Variants in ULK2 observed in about 807,000 individuals in gnomAD.
The protein encoded by ULK2 is serine/threonine-protein kinase ULK2.
A neutral mutation model predicts 127.5 loss-of-function variants in ULK2; 76 were observed. The observed-to-expected ratio is 0.60, with a 90% confidence interval of 0.50 to 0.72. The LOEUF is 0.72. Among genes scored for constraint, ULK2 ranks in the 30% least tolerant of loss-of-function variants. The pLI is 0.00. For missense variants in ULK2, 1,144 were observed against 1,295.9 expected (o/e 0.88, Z 1.80); for synonymous variants, 452 against 461.9 (o/e 0.98, Z 0.28).
chr17:19,780,152 C>T (rs1225619442), intron 25 of ULK2, among the ~76,000 whole-genome samples: 1 of 143,888 alleles, frequency 6.9e-6, no homozygotes, highest in African/African-American at 2.6e-5. Flanking sequence ...CCAGCCTGGG[C>T]GACAGAGTAA....
chr17:19,862,729 G>C (rs2042269295), intron 3 of ULK2, among the ~76,000 whole-genome samples: 1 of 151,902 alleles, frequency 6.6e-6, no homozygotes, highest in African/African-American at 2.4e-5. Context: ...GCCTTCCAAA[G>C]TCCTGGGATT....
intron 10 of ULK2, among the ~76,000 whole-genome samples, chr17:19,831,789 T>A (rs986779875): frequency 1.3e-5 from 2 of 152,010 alleles, no homozygotes; most frequent in African/African-American, 4.8e-5. Flanking sequence ...ACTGTGCCAC[T>A]GCACTCCAGC....
intron 12 of ULK2, among the ~76,000 whole-genome samples, chr17:19,823,339 T>G (rs1202015858): frequency 1.3e-5 from 2 of 152,112 alleles, no homozygotes; most frequent in East Asian, 3.9e-4. Flanking sequence ...AGCCCTAGCC[T>G]GGCTCCTATT....
rs79786293 is a variant in ULK2 at position 19,793,970 on chromosome 17, T to C, written c.2101+1652A>G. Reference sequence around the variant, plus strand: ...ATACTAAGGGCTCTAATGGAAAAAGTGGACAACATGCAAGAACAGATAGGT... The same window carrying C: ...ATACTAAGGGCTCTAATGGAAAAAGCGGACAACATGCAAGAACAGATAGGT... On this transcript the variant is annotated intron_variant, in intron 20 of 26. Transcript: ENST00000395544. Among the ~76,000 whole-genome samples the C allele has an allele frequency of 9.5e-4, 145 of 152,212 alleles. 4 individuals are homozygous for C. In the East Asian group the frequency reaches 0.025, roughly 26 times the overall value.
intron 10 of ULK2, among the ~76,000 whole-genome samples, chr17:19,831,979 C>A (rs1597784599): frequency 6.6e-6 from 1 of 152,074 alleles, no homozygotes; most frequent in East Asian, 1.9e-4. Flanking sequence ...TACAAAATAG[C>A]CAGGTGTGGT....
intron 5 of ULK2, among the ~76,000 whole-genome samples, chr17:19,847,995 A>G (rs1469742477): frequency 6.6e-6 from 1 of 152,214 alleles, no homozygotes; most frequent in East Asian, 1.9e-4. Context: ...CACCTTCCTC[A>G]TGTATAAAAG....
Position 19,776,232 on chromosome 17 carries a change from G to T in ULK2, c.*117C>A. On this transcript the variant is annotated 3_prime_UTR_variant, in exon 27 of 27. Coordinates refer to ENST00000395544, the MANE Select transcript of ULK2 (RefSeq NM_014683.4). ...TTTTTCAAATCACTGCTTGTTCTTTGGTAGTCACCAGTTAAGAAGCTACAG... is the reference window on the plus strand; with the variant it reads ...TTTTTCAAATCACTGCTTGTTCTTTTGTAGTCACCAGTTAAGAAGCTACAG... The T allele has an allele frequency of 3.7e-6, 3 of 811,802 alleles. No individual in the cohort carries two copies. The highest frequency in any genetic ancestry group is 5.5e-6 in the Non-Finnish European group (3 of 548,948). 50.3% of individuals were successfully genotyped at this position (811,802 alleles called of 1,614,324 possible).
chr17:19,833,779 A>G (rs1248190920), intron 10 of ULK2, among the ~76,000 whole-genome samples: 1 of 152,244 alleles, frequency 6.6e-6, no homozygotes, highest in African/African-American at 2.4e-5. Flanking sequence ...AACTCAAAGG[A>G]AAAAACAATA....
chr17:19,796,422 T>TG, intron 18 of ULK2, 140 bp from the exon 19 acceptor site: 1 of 779,754 alleles, frequency 1.3e-6, no homozygotes, highest in Non-Finnish European at 1.8e-6. Context: ...TGTAGAAAGA[T>TG]GCAAACCTTC....
chr17:19,842,897 A>C (rs2152397420), intron 8 of ULK2, among the ~76,000 whole-genome samples: 1 of 152,280 alleles, frequency 6.6e-6, no homozygotes, highest in Non-Finnish European at 1.5e-5. Flanking sequence ...CCCAACATAC[A>C]ACAGACTTCA....
In ULK2 at chr17:19,867,458, C is replaced by CA. The variant is rs1234950216; in HGVS notation, c.-42dup. On this transcript the variant is annotated 5_prime_UTR_variant, in exon 1 of 27. Transcript: ENST00000395544. ...GCACACAGCGGACGGGCGGGCGGCG[C>CA]AGTGCGGCGCAGGTATCAGCACCGC... 6.5e-7 allele frequency: 1 copy of CA among 1,543,816 alleles called. No individual in the cohort carries two copies. The highest frequency in any genetic ancestry group is 8.8e-7 in the Non-Finnish European group (1 of 1,140,176).
At chr17:19,845,220 T>C in intron 7 of ULK2, 84 bp downstream of exon 7, 1 of 1,211,440 alleles carries the variant, frequency 8.3e-7, no homozygotes, top group South Asian at 1.3e-5. Flanking sequence ...AAATCACATC[T>C]TATTTGGAAG....
chr17:19,860,047 T>C (rs974047941), intron 3 of ULK2, among the ~76,000 whole-genome samples: 2 of 152,162 alleles, frequency 1.3e-5, no homozygotes, highest in African/African-American at 2.4e-5. Flanking sequence ...GTATCTAAGA[T>C]ACATTAAGCT....
chr17:19,856,514 A>G (rs996479796), intron 3 of ULK2, among the ~76,000 whole-genome samples: 2 of 151,776 alleles, frequency 1.3e-5, no homozygotes, highest in Admixed American at 6.6e-5. Flanking sequence ...CCTGGGAGGC[A>G]GAGCTTGCAG....
At chr17:19,816,685 A>G (rs914643153) in intron 13 of ULK2, 64 bp downstream of exon 13, 1 of 1,369,484 alleles carries the variant, frequency 7.3e-7, no homozygotes, top group East Asian at 2.7e-5. Context: ...TATATGGGTT[A>G]AAAAAAAGAT....
At chr17:19,778,210 C>T (rs541302833) in intron 25 of ULK2, among the ~76,000 whole-genome samples, 4 of 152,192 alleles carry the variant, frequency 2.6e-5, no homozygotes, top group East Asian at 1.9e-4. Context: ...CCAGGCACTG[C>T]GCCTACAATG....
chr17:19,848,067 T>C (rs898182827), intron 5 of ULK2, among the ~76,000 whole-genome samples: 2 of 152,132 alleles, frequency 1.3e-5, no homozygotes, highest in African/African-American at 2.4e-5. Context: ...TAATGAAAAC[T>C]TGTGCTCATT....
intron 13 of ULK2, among the ~76,000 whole-genome samples, chr17:19,812,679 CA>C (rs1314680525): frequency 6.6e-6 from 1 of 152,164 alleles, no homozygotes; most frequent in Non-Finnish European, 1.5e-5. Context: ...AGAAAAAGAT[CA>C]AAATTCAAAA....
At chr17:19,802,719 G>A (rs758037967) in intron 15 of ULK2, among the ~76,000 whole-genome samples, 6 of 152,182 alleles carry the variant, frequency 3.9e-5, no homozygotes, top group Non-Finnish European at 7.3e-5. Context: ...AACTCAGCAA[G>A]TGGTCGTTGC....
Sources: allele counts gnomAD v4.1 joint callset (sites outside exome capture counted in the v4.1 genomes callset), GRCh38; gene constraint gnomAD v4.1.1; transcripts MANE v1.5; gene names NCBI Gene and HGNC (gene_info 2026-07-23, HGNC 2026-07-21).